Variants in PCNX1 observed in about 807,000 individuals in gnomAD.
PCNX1 encodes the protein pecanex-like protein 1.
In PCNX1, 78 loss-of-function variants were observed where a neutral mutation model predicts 242.2. The observed-to-expected ratio is 0.32, with a 90% CI of 0.27 to 0.39. The LOEUF (loss-of-function observed/expected upper bound fraction) is 0.39. Among genes scored for constraint, PCNX1 ranks in the 10% least tolerant of loss-of-function variants. The pLI is 1.00. For synonymous variants in PCNX1, 1,024 were observed against 1,032.9 expected (o/e 0.99, Z 0.17); for missense variants, 2,581 against 2,856.5 (o/e 0.90, Z 2.20).
intron 5 of PCNX1, among the ~76,000 whole-genome samples, chr14:70,971,058 A>G (rs1028760806): frequency 4.0e-5 from 6 of 151,536 alleles, no homozygotes; most frequent in Admixed American, 2.0e-4. Context: ...CAGTCCTATA[A>G]TTCAAATCTA....
At chr14:71,042,090 G>C (rs143373890) in intron 19 of PCNX1, among the ~76,000 whole-genome samples, 5 of 152,218 alleles carry the variant, frequency 3.3e-5, no homozygotes, top group African/African-American at 4.8e-5. Flanking sequence ...TTGTTTCGTT[G>C]CATAACATAT....
chr14:71,105,164 G>A, intron 32 of PCNX1, 71 bp from the exon 33 acceptor site: 1 of 1,175,180 alleles, frequency 8.5e-7, no homozygotes, highest in Non-Finnish European at 1.3e-6. Context: ...CAGAATAGCT[G>A]GAAAAAGAAT....
chr14:71,036,816 T>C (rs932399397), intron 19 of PCNX1, among the ~76,000 whole-genome samples: 1 of 152,232 alleles, frequency 6.6e-6, no homozygotes, highest in Non-Finnish European at 1.5e-5. Context: ...ATACTTATTT[T>C]CTGTGAAGAA....
chr14:70,960,743 T>A (rs530644735), intron 2 of PCNX1, among the ~76,000 whole-genome samples: 1 of 151,674 alleles, frequency 6.6e-6, no homozygotes, highest in Non-Finnish European at 1.5e-5. Flanking sequence ...TTGCAGGTGA[T>A]ATGATTGTAT....
At chr14:71,098,553 T>TGTGTGAGAGAGAGAGAGAGA (rs60367565) in intron 30 of PCNX1, among the ~76,000 whole-genome samples, 1 of 125,668 alleles carries the variant, frequency 8.0e-6, no homozygotes, top group African/African-American at 3.2e-5. Flanking sequence ...TGTGTGTGTG[T>TGTGTGAGAGAGAGAGAGAGA]GAGAGAGAGA....
intron 16 of PCNX1, among the ~76,000 whole-genome samples, chr14:71,032,242 A>G (rs2060408740): frequency 6.6e-6 from 1 of 152,170 alleles, no homozygotes; most frequent in Non-Finnish European, 1.5e-5. Context: ...CTCTTCCTTC[A>G]TATCTTTTGT....
At chr14:71,074,174 A>G (rs977927935) in intron 27 of PCNX1, among the ~76,000 whole-genome samples, 6 of 152,262 alleles carry the variant, frequency 3.9e-5, no homozygotes, top group Admixed American at 3.9e-4. Flanking sequence ...AACTTGTCCA[A>G]GATCCTCTAA....
intron 1 of PCNX1, among the ~76,000 whole-genome samples, chr14:70,917,426 A>G (rs891495476): frequency 6.6e-6 from 1 of 152,230 alleles, no homozygotes; most frequent in Non-Finnish European, 1.5e-5. Flanking sequence ...GGGCTGGAGA[A>G]TAGATGTTGT....
At chr14:70,914,222 A>G (rs971679053) in intron 1 of PCNX1, among the ~76,000 whole-genome samples, 5 of 152,184 alleles carry the variant, frequency 3.3e-5, no homozygotes, top group Non-Finnish European at 7.4e-5. Flanking sequence ...AAAGCTATAC[A>G]TTGGCTACTG....
chr14:71,028,389 A>C (rs150998719), intron 15 of PCNX1, among the ~76,000 whole-genome samples: 206 of 152,126 alleles, frequency 1.4e-3, no homozygotes, highest in African/African-American at 4.7e-3. Context: ...TCATTTTTCC[A>C]CATTTTTTGT....
At chr14:71,075,223 T>C (rs1276961867) in intron 27 of PCNX1, among the ~76,000 whole-genome samples, 1 of 152,054 alleles carries the variant, frequency 6.6e-6, no homozygotes, top group East Asian at 1.9e-4. Context: ...AACTCTGGGC[T>C]CAAGCAGTTC....
chr14:71,105,246 G>T lies in PCNX1; in HGVS notation c.6107G>T (p.Gly2036Val). The T allele has an allele frequency of 1.9e-6, 3 of 1,613,720 alleles. No individual in the cohort carries two copies. Among genetic ancestry groups the T allele is most frequent in the South Asian group, 2.2e-5 (2 of 91,052 alleles). Reference sequence around the variant, plus strand: ...GTATTTGTTCCTAGGCTTAGGAAAGGTTGCGGAGCTGGATGTAACAGTGGT... The same window carrying T: ...GTATTTGTTCCTAGGCTTAGGAAAGTTTGCGGAGCTGGATGTAACAGTGGT... ...IVSTWHRLRK[G>V]CGAGCNSGGN... The change falls in exon 33 of 36, where the codon GGT (glycine) becomes GTT (valine). Residue 2036 changes from glycine to valine, a missense_variant. Physicochemically the swap from Gly to Val is moderately radical, Grantham distance 109 (BLOSUM62 -3). Coordinates refer to ENST00000304743, the MANE Select transcript of PCNX1 (RefSeq NM_014982.3).
intron 2 of PCNX1, among the ~76,000 whole-genome samples, chr14:70,960,603 G>A (rs1470385805): frequency 3.3e-5 from 5 of 151,902 alleles, no homozygotes; most frequent in Admixed American, 3.3e-4. Flanking sequence ...TTGAAAACTG[G>A]CACAAGACAG....
chr14:70,975,515 ATTCCT>A (rs1307323223), intron 5 of PCNX1, among the ~76,000 whole-genome samples: 1 of 152,144 alleles, frequency 6.6e-6, no homozygotes, highest in African/African-American at 2.4e-5. Context: ...TTAATAACTC[ATTCCT>A]TTCTTTTAAT....
At chr14:70,927,596 A>AT (rs1435513705) in intron 1 of PCNX1, among the ~76,000 whole-genome samples, 9 of 150,214 alleles carry the variant, frequency 6.0e-5, no homozygotes, top group South Asian at 4.2e-4. Context: ...TTATTTATTT[A>AT]TTTTTTTCTG....
In PCNX1 at chr14:71,115,331, C is replaced by T. The variant is rs45479600; in HGVS notation, c.*5396C>T. The T allele has an allele frequency of 1.3e-3, 192 of 152,628 alleles. 1 individual carries two copies. Among genetic ancestry groups the T allele is most frequent in the Non-Finnish European group, 2.5e-3 (168 of 68,010 alleles). 9.5% of individuals were successfully genotyped at this position (152,628 alleles called of 1,614,324 possible). ...TGGCAAATATATTGCATCAAAAATA[C>T]AGTATTGACAGTGGATAAAACACTG... On this transcript the variant is annotated 3_prime_UTR_variant, in exon 36 of 36. Transcript: ENST00000304743.
chr14:71,061,527 G>A (rs1376910868), intron 26 of PCNX1, among the ~76,000 whole-genome samples: 3 of 152,100 alleles, frequency 2.0e-5, no homozygotes, highest in African/African-American at 4.8e-5. Context: ...AGAAGTTGTC[G>A]CAGCTTTTCA....
At chr14:70,910,207 GTCCTCCTCCTCC>G (rs750642409) in intron 1 of PCNX1, among the ~76,000 whole-genome samples, 1 of 13,180 alleles carries the variant, frequency 7.6e-5, no homozygotes, top group Non-Finnish European at 1.4e-4. Flanking sequence ...CCTCCTCCTC[GTCCTCCTCCTCC>G]TCCTCCTCCT....
At chr14:71,094,593 C>G (rs901599518) in intron 30 of PCNX1, among the ~76,000 whole-genome samples, 2 of 152,118 alleles carry the variant, frequency 1.3e-5, no homozygotes, top group Admixed American at 1.3e-4. Flanking sequence ...TTCCCCACCC[C>G]CTCCAACCTT....
Sources: allele counts gnomAD v4.1 joint callset (sites outside exome capture counted in the v4.1 genomes callset), GRCh38; gene constraint gnomAD v4.1.1; transcripts MANE v1.5; gene names NCBI Gene and HGNC (gene_info 2026-07-23, HGNC 2026-07-21).